Variants in STX8 observed in about 807,000 individuals in gnomAD.
STX8 encodes syntaxin-8.
A neutral mutation model predicts 37.5 loss-of-function variants in STX8; 23 were observed. That is an observed-to-expected ratio of 0.61 (90% confidence interval 0.44 to 0.87). The LOEUF is 0.87. STX8 is among the 40% of genes least tolerant of loss of function. The pLI, the probability that STX8 is intolerant of heterozygous loss-of-function variation, is 0.00. For synonymous variants in STX8, 115 were observed against 99.1 expected (o/e 1.16, Z -0.95); for missense variants, 313 against 284.7 (o/e 1.10, Z -0.71).
chr17:9,335,900 T>G (rs1485995542), intron 7 of STX8, among the ~76,000 whole-genome samples: 1 of 151,880 alleles, frequency 6.6e-6, no homozygotes. Flanking sequence ...AAGCTATACA[T>G]AAAGCTCTAT....
chr17:9,367,507 T>G (rs1911265419), intron 7 of STX8, among the ~76,000 whole-genome samples: 1 of 152,210 alleles, frequency 6.6e-6, no homozygotes. Context: ...CCTCTGATTC[T>G]GGTTCCTGGG....
chr17:9,336,626 G>A (rs1597612008), intron 7 of STX8, among the ~76,000 whole-genome samples: 1 of 152,120 alleles, frequency 6.6e-6, no homozygotes, highest in Non-Finnish European at 1.5e-5. Flanking sequence ...AGTAGAGATG[G>A]AGTTTCACCA....
chr17:9,397,393 T>C (rs552445439), intron 6 of STX8, among the ~76,000 whole-genome samples: 1 of 152,214 alleles, frequency 6.6e-6, no homozygotes, highest in East Asian at 1.9e-4. Flanking sequence ...CAAGACTCCG[T>C]GTTGAAAAAT....
chr17:9,474,296 G>A (rs181576140), intron 6 of STX8, among the ~76,000 whole-genome samples: 44 of 152,248 alleles, frequency 2.9e-4, no homozygotes, highest in Non-Finnish European at 5.6e-4. Context: ...GTAATAGTAA[G>A]TATAGTGCTT....
intron 6 of STX8, among the ~76,000 whole-genome samples, chr17:9,465,281 C>G (rs1208686934): frequency 6.6e-6 from 1 of 151,732 alleles, no homozygotes; most frequent in African/African-American, 2.4e-5. Flanking sequence ...ACAGAAAGAA[C>G]AAAGATGCTA....
At chr17:9,390,730 G>C (rs1442640799) in intron 6 of STX8, among the ~76,000 whole-genome samples, 1 of 148,218 alleles carries the variant, frequency 6.7e-6, no homozygotes, top group Non-Finnish European at 1.5e-5. Flanking sequence ...CCAGCTACTC[G>C]GGAGGCTGAG....
chr17:9,265,948 C>T (rs1310351965), intron 7 of STX8, among the ~76,000 whole-genome samples: 1 of 152,112 alleles, frequency 6.6e-6, no homozygotes, highest in Non-Finnish European at 1.5e-5. Context: ...TACGGGGTGG[C>T]TGAAAGGCAC....
intron 7 of STX8, among the ~76,000 whole-genome samples, chr17:9,263,435 C>T (rs537771387): frequency 8.4e-4 from 125 of 149,494 alleles, no homozygotes; most frequent in Non-Finnish European, 1.5e-3. Context: ...GCCGAGATCG[C>T]GCCATTGCAC....
At position 9,365,836 on chromosome 17, in the gene STX8, G is replaced by A. The variant is rs536990453; in HGVS notation, c.643+12716C>T. Among the ~76,000 whole-genome samples the A allele has an allele frequency of 1.4e-4, 21 of 152,308 alleles. No homozygotes were observed. In the South Asian group the frequency reaches 3.9e-3, roughly 29 times the overall value. On this transcript the variant is annotated intron_variant, in intron 7 of 7. Coordinates refer to ENST00000306357, the MANE Select transcript of STX8 (RefSeq NM_004853.3). ...AAAATACAAAAAAGTAGCCAGGCAT[G>A]GTGGTGTGCACCTGTAACCCCAGCT...
intron 3 of STX8, among the ~76,000 whole-genome samples, chr17:9,551,843 G>A (rs1239120355): frequency 6.6e-6 from 1 of 151,740 alleles, no homozygotes; most frequent in Non-Finnish European, 1.5e-5. Flanking sequence ...GATACCAATG[G>A]CACCTAGACA....
intron 7 of STX8, among the ~76,000 whole-genome samples, chr17:9,352,080 G>A (rs1910724179): frequency 6.6e-6 from 1 of 150,944 alleles, no homozygotes; most frequent in African/African-American, 2.4e-5. Flanking sequence ...GAGCCTGGAA[G>A]ATGGAGGGCT....
intron 3 of STX8, among the ~76,000 whole-genome samples, chr17:9,547,004 C>T (rs954779075): frequency 2.0e-5 from 3 of 151,048 alleles, no homozygotes; most frequent in African/African-American, 7.3e-5. Flanking sequence ...AATCCCAGCA[C>T]TCTGGGAGGC....
intron 2 of STX8, among the ~76,000 whole-genome samples, chr17:9,559,760 A>ATATATATATATATATATT: frequency 4.1e-5 from 1 of 24,492 alleles, no homozygotes; most frequent in African/African-American, 1.9e-4. Flanking sequence ...ATATATATAT[A>ATATATATATATATATATT]TTTTTTTTTT....
At chr17:9,390,059 C>G (rs964855558) in intron 6 of STX8, among the ~76,000 whole-genome samples, 1 of 152,168 alleles carries the variant, frequency 6.6e-6, no homozygotes, top group Non-Finnish European at 1.5e-5. Context: ...TGGGAACCAC[C>G]CAGGCTTTGG....
chr17:9,434,057 G>A (rs62068375), intron 6 of STX8, among the ~76,000 whole-genome samples: 3,060 of 152,166 alleles, frequency 0.02, 48 homozygotes, highest in Non-Finnish European at 0.032. Flanking sequence ...AGGCTGGAGT[G>A]CACTGGCGCA....
intron 7 of STX8, among the ~76,000 whole-genome samples, chr17:9,365,092 C>G (rs186546855): frequency 2.6e-4 from 40 of 151,626 alleles, no homozygotes; most frequent in Admixed American, 5.9e-4. Flanking sequence ...GGCCTGGCGT[C>G]TGCCTAGATA....
At chr17:9,357,412 A>G (rs1293416598) in intron 7 of STX8, among the ~76,000 whole-genome samples, 1 of 152,040 alleles carries the variant, frequency 6.6e-6, no homozygotes, top group Admixed American at 6.5e-5. Flanking sequence ...AAGACTGGCC[A>G]GGCACGGTGG....
At chr17:9,306,736 G>A (rs956599739) in intron 7 of STX8, among the ~76,000 whole-genome samples, 3 of 151,788 alleles carry the variant, frequency 2.0e-5, no homozygotes, top group South Asian at 4.2e-4. Flanking sequence ...CTACACTCAC[G>A]CCTGGGCAAC....
chr17:9,467,671 G>GA (rs1905673534), intron 6 of STX8, among the ~76,000 whole-genome samples: 1 of 152,146 alleles, frequency 6.6e-6, no homozygotes, highest in South Asian at 2.1e-4. Context: ...AAGTGCAGGG[G>GA]AAACCCTTTC....
Sources: gnomAD v4.1 joint callset for allele counts (sites outside exome capture counted in the v4.1 genomes callset) on GRCh38, gnomAD v4.1.1 for gene constraint, MANE v1.5 for transcripts, NCBI Gene and HGNC (gene_info 2026-07-23, HGNC 2026-07-21) for gene names.